ADAMTS19: variants seen among roughly 807,000 people sequenced by gnomAD.
ADAMTS19 encodes the protein A disintegrin and metalloproteinase with thrombospondin motifs 19.
ADAMTS19 carries 93 observed loss-of-function variants against 153.3 expected under a neutral mutation model. The ratio of observed to expected loss-of-function variants is 0.61; its 90% CI spans 0.51 to 0.72. ADAMTS19 has a LOEUF of 0.72. ADAMTS19 is among the 30% of genes least tolerant of loss of function. ADAMTS19 has a pLI of 0.00. For missense variants in ADAMTS19, 1,482 were observed against 1,552.1 expected, an observed-to-expected ratio of 0.95 and a Z score of 0.76; for synonymous variants, 600 against 556.6, an observed-to-expected ratio of 1.08 and a Z score of -1.10.
At chr5:129,492,843 C>T (rs927174576) in intron 2 of ADAMTS19, among the ~76,000 whole-genome samples, 4 of 152,054 alleles carry the variant, frequency 2.6e-5, no homozygotes, top group Non-Finnish European at 5.9e-5. Flanking sequence ...GTGTTTTTCC[C>T]GAACATGCCA....
At chr5:129,485,939 C>T (rs1750576266) in intron 2 of ADAMTS19, among the ~76,000 whole-genome samples, 3 of 151,980 alleles carry the variant, frequency 2.0e-5, no homozygotes, top group Admixed American at 6.6e-5. Flanking sequence ...TACAGACGCC[C>T]ACCACCACGC....
At position 129,525,658 on chromosome 5, in the gene ADAMTS19, G is replaced by C. The variant is rs1297802639; in HGVS notation, c.914-626G>C. On this transcript the variant is annotated intron_variant, in intron 3 of 22. Transcript: ENST00000274487. Reference sequence around the variant, plus strand: ...ACATTTGGACATGTTTTAATAAACGGAAGTTCTTACTTTTTATGTAGGCAA... The same window carrying C: ...ACATTTGGACATGTTTTAATAAACGCAAGTTCTTACTTTTTATGTAGGCAA... Among the ~76,000 whole-genome samples, 3 of 152,032 alleles carry C rather than the reference G, an allele frequency of 2.0e-5. No individual in the cohort carries two copies. In the East Asian group the frequency reaches 5.8e-4, roughly 29 times the overall value.
At chr5:129,688,003 A>G (rs921038769) in intron 18 of ADAMTS19, 1 of 152,180 alleles carries the variant, frequency 6.6e-6, no homozygotes, top group Non-Finnish European at 1.5e-5. Context: ...GTGTTTAGTC[A>G]ACAGTTTTCG....
At chr5:129,460,654 A>G (rs1053888688) in intron 1 of ADAMTS19, 172 bp downstream of exon 1, 1 of 673,090 alleles carries the variant, frequency 1.5e-6, no homozygotes, top group East Asian at 2.7e-5. Context: ...AATGAAGCAC[A>G]CTTCTGCCGG....
At chr5:129,657,071 T>C (rs948966055) in intron 14 of ADAMTS19, among the ~76,000 whole-genome samples, 4 of 152,238 alleles carry the variant, frequency 2.6e-5, no homozygotes, top group African/African-American at 7.2e-5. Flanking sequence ...TTCTGCTCAT[T>C]TCCTGTGGTG....
intron 10 of ADAMTS19, among the ~76,000 whole-genome samples, chr5:129,640,983 C>T (rs750266701): frequency 1.4e-4 from 22 of 152,108 alleles, no homozygotes; most frequent in Non-Finnish European, 2.9e-4. Flanking sequence ...CACCACCACA[C>T]TCAGCTAAAT....
intron 21 of ADAMTS19, among the ~76,000 whole-genome samples, chr5:129,716,813 C>T (rs899656692): frequency 1.3e-5 from 2 of 152,174 alleles, no homozygotes; most frequent in Admixed American, 1.3e-4. Context: ...ATCATTCTTT[C>T]CTATACTCTT....
chr5:129,709,537 A>C (rs1756340081), intron 21 of ADAMTS19, among the ~76,000 whole-genome samples: 1 of 152,192 alleles, frequency 6.6e-6, no homozygotes, highest in Non-Finnish European at 1.5e-5. Context: ...TTGTTTAAAA[A>C]AGTTCAAAAA....
At chr5:129,559,843 A>T (rs1753437319) in intron 7 of ADAMTS19, among the ~76,000 whole-genome samples, 1 of 152,110 alleles carries the variant, frequency 6.6e-6, no homozygotes, top group African/African-American at 2.4e-5. Context: ...AACACACAAG[A>T]TGTTATGTTT....
rs1754708416 is a variant in ADAMTS19 at position 129,679,670 on chromosome 5, T to C, written c.2507-94T>C. ...GAATGTTGATCCATTTGTTTGTAAA[T>C]AAATGGACTAGTTTTAACAAAATAA... On this transcript the variant is annotated intron_variant, in intron 16 of 22. Transcript: ENST00000274487. 5 of 1,131,246 alleles carry C rather than the reference T, an allele frequency of 4.4e-6. No individual in the cohort carries two copies. The Admixed American group carries it at 8.1e-5, about 18-fold the overall frequency. The allele number at this position is 1,131,246 out of a possible 1,614,324, so 70.1% of individuals were successfully genotyped here.
chr5:129,699,074 T>C (rs2127155795), intron 19 of ADAMTS19, among the ~76,000 whole-genome samples: 1 of 152,330 alleles, frequency 6.6e-6, no homozygotes, highest in East Asian at 1.9e-4. Context: ...TTGGTAAATC[T>C]GGAATAATTA....
chr5:129,720,399 G>C (rs1358080006), intron 21 of ADAMTS19, among the ~76,000 whole-genome samples: 2 of 151,546 alleles, frequency 1.3e-5, no homozygotes, highest in Admixed American at 1.3e-4. Flanking sequence ...TCAAACTCTT[G>C]ACCTCACCCA....
chr5:129,468,296 G>C (rs1034627293), intron 2 of ADAMTS19, among the ~76,000 whole-genome samples: 4 of 152,126 alleles, frequency 2.6e-5, no homozygotes, highest in Non-Finnish European at 4.4e-5. Context: ...CCTGTTACCA[G>C]TATGGACGTT....
At chr5:129,680,266 C>T (rs1003358147) in intron 17 of ADAMTS19, among the ~76,000 whole-genome samples, 2 of 151,988 alleles carry the variant, frequency 1.3e-5, no homozygotes, top group African/African-American at 2.4e-5. Context: ...CAAATCACAG[C>T]GTTTTATATA....
Position 129,512,261 on chromosome 5 carries a change from G to A in ADAMTS19, c.913+3019G>A, listed in dbSNP as rs565268901. 2.6e-5 allele frequency among the ~76,000 whole-genome samples: 4 copies of A among 152,142 alleles called. 1 individual carries two copies. The South Asian group carries it at 8.3e-4, about 32-fold the overall frequency. Reference sequence around the variant, plus strand: ...CCATTCTTCGAGCTGACTTAACCAGGCCACTACTGAACTAGTTCCCATACT... The same window carrying A: ...CCATTCTTCGAGCTGACTTAACCAGACCACTACTGAACTAGTTCCCATACT... On this transcript the variant is annotated intron_variant, in intron 3 of 22. Coordinates refer to ENST00000274487, the MANE Select transcript of ADAMTS19 (RefSeq NM_133638.6).
intron 2 of ADAMTS19, among the ~76,000 whole-genome samples, chr5:129,498,945 G>C (rs1476220027): frequency 4.0e-5 from 6 of 151,604 alleles, no homozygotes; most frequent in Non-Finnish European, 8.8e-5. Flanking sequence ...TGAAGACAGG[G>C]GTCATTCTGT....
rs1272981253 is a variant in ADAMTS19, at chr5:129,656,973, C to T, written c.2305-1644C>T. ...ACTCTAGCTCTCCTCAGCTTTTTCC[C>T]CATTGGAACATGGAAAGACTTTTCT... is the stretch of plus-strand genomic sequence containing the variant. On this transcript the variant is annotated intron_variant, in intron 14 of 22. Transcript: ENST00000274487. Among the ~76,000 whole-genome samples the T allele has an allele frequency of 2.0e-5, 3 of 152,160 alleles. No homozygotes were observed. The East Asian group carries it at 5.8e-4, about 29-fold the overall frequency.
chr5:129,618,544 G>T (rs189965359), intron 8 of ADAMTS19, among the ~76,000 whole-genome samples: 3 of 151,752 alleles, frequency 2.0e-5, no homozygotes, highest in Admixed American at 1.3e-4. Flanking sequence ...TAACAATTTT[G>T]ATTCAAACTC....
chr5:129,584,396 G>C (rs944140937), intron 7 of ADAMTS19, among the ~76,000 whole-genome samples: 3 of 152,232 alleles, frequency 2.0e-5, no homozygotes, highest in Non-Finnish European at 4.4e-5. Flanking sequence ...TGAGGAGGCA[G>C]TCTGTCCCTT....
Sources: gnomAD v4.1 joint callset for allele counts (sites outside exome capture counted in the v4.1 genomes callset) on GRCh38, gnomAD v4.1.1 for gene constraint, MANE v1.5 for transcripts, NCBI Gene and HGNC (gene_info 2026-07-23, HGNC 2026-07-21) for gene names.